Variants in SFMBT1 observed in about 807,000 individuals in gnomAD.
The protein encoded by SFMBT1 is Scm like with four mbt domains 1.
Under a neutral mutation model 108.7 loss-of-function variants are expected in SFMBT1, and 32 were observed. The ratio of observed to expected loss-of-function variants is 0.29; its 90% CI spans 0.22 to 0.40. SFMBT1 has a LOEUF of 0.40. Among genes scored for constraint, SFMBT1 ranks in the 10% least tolerant of loss-of-function variants. The probability of loss-of-function intolerance (pLI) is 1.00; values close to 1 mark genes in which losing one functional copy is unlikely to be tolerated. For synonymous variants in SFMBT1, 348 were observed against 369.5 expected (o/e 0.94, Z 0.67); for missense variants, 816 against 1,059.6 (o/e 0.77, Z 3.19).
chr3:52,959,295 A>G (rs752215206), intron 2 of SFMBT1, among the ~76,000 whole-genome samples: 5 of 152,196 alleles, frequency 3.3e-5, no homozygotes, highest in South Asian at 4.1e-4. Context: ...AACAAAAAAC[A>G]TATTTCAAAT....
intron 1 of SFMBT1, among the ~76,000 whole-genome samples, chr3:53,033,164 T>G (rs1018922633): frequency 6.6e-6 from 1 of 151,778 alleles, no homozygotes; most frequent in Non-Finnish European, 1.5e-5. Flanking sequence ...TAATAAAATT[T>G]GCTTTTTTTT....
chr3:53,042,776 T>G (rs1700099043), intron 1 of SFMBT1, among the ~76,000 whole-genome samples: 1 of 143,482 alleles, frequency 7.0e-6, no homozygotes, highest in Non-Finnish European at 1.5e-5. Flanking sequence ...GATTTTAAAT[T>G]AAACAATCTG....
chr3:53,010,644 G>T (rs1232085657), intron 1 of SFMBT1, among the ~76,000 whole-genome samples: 1 of 151,764 alleles, frequency 6.6e-6, no homozygotes, highest in Admixed American at 6.5e-5. Context: ...AATACAGTGT[G>T]TTTTTCTGTA....
chr3:52,917,660 G>T (rs535209775), intron 13 of SFMBT1, among the ~76,000 whole-genome samples: 1 of 152,246 alleles, frequency 6.6e-6, no homozygotes, highest in South Asian at 2.1e-4. Flanking sequence ...GCCTGAGCTC[G>T]GCCTCCTGTC....
intron 3 of SFMBT1, among the ~76,000 whole-genome samples, chr3:52,948,416 T>C (rs1441945753): frequency 1.3e-5 from 2 of 152,148 alleles, no homozygotes; most frequent in East Asian, 1.9e-4. Context: ...GATATATCCA[T>C]ATAAAAATCA....
At chr3:52,962,612 C>G (rs548376216) in intron 2 of SFMBT1, among the ~76,000 whole-genome samples, 1 of 151,796 alleles carries the variant, frequency 6.6e-6, no homozygotes, top group South Asian at 2.1e-4. Flanking sequence ...TTGAGAGGAG[C>G]CTGGCCAACA....
chr3:52,914,857 A>G (rs1702306269), intron 14 of SFMBT1, among the ~76,000 whole-genome samples: 1 of 152,182 alleles, frequency 6.6e-6, no homozygotes, highest in Non-Finnish European at 1.5e-5. Flanking sequence ...TAAGGCACTC[A>G]TACCCCTGCT....
intron 13 of SFMBT1, among the ~76,000 whole-genome samples, chr3:52,917,595 A>G (rs1237698142): frequency 6.6e-6 from 1 of 152,090 alleles, no homozygotes; most frequent in African/African-American, 2.4e-5. Context: ...ACGGACCAGT[A>G]CCCGTCTATG....
chr3:52,943,948 T>C (rs1430064391), intron 3 of SFMBT1, among the ~76,000 whole-genome samples: 1 of 152,222 alleles, frequency 6.6e-6, no homozygotes, highest in African/African-American at 2.4e-5. Context: ...AAATTTATGA[T>C]GCTAGAAAAG....
intron 1 of SFMBT1, among the ~76,000 whole-genome samples, chr3:53,028,838 G>A (rs1015596846): frequency 2.0e-4 from 31 of 152,294 alleles, no homozygotes; most frequent in Non-Finnish European, 4.0e-4. Flanking sequence ...CTGCCTGCCT[G>A]TCACTGGCTT....
chr3:53,044,504 C>A (rs1700149920), intron 1 of SFMBT1, among the ~76,000 whole-genome samples: 1 of 152,196 alleles, frequency 6.6e-6, no homozygotes, highest in South Asian at 2.1e-4. Context: ...CCTAATTCAA[C>A]AAATGCCTCA....
chr3:52,963,273 G>A (rs1272521667), intron 2 of SFMBT1, among the ~76,000 whole-genome samples: 1 of 151,992 alleles, frequency 6.6e-6, no homozygotes, highest in Admixed American at 6.6e-5. Context: ...GGGATTACAG[G>A]CATGACCCAC....
chr3:52,928,651 TATACACATATATACATATATACACACAC>T (rs1702758908), intron 8 of SFMBT1, among the ~76,000 whole-genome samples: 4 of 22,792 alleles, frequency 1.8e-4, no homozygotes, highest in Non-Finnish European at 5.5e-4. Flanking sequence ...TATATATATA[TATACACATATATACATATATACACACAC>T]ACACATATAT....
intron 4 of SFMBT1, 105 bp from the exon 5 acceptor site, chr3:52,935,006 T>C: frequency 1.1e-6 from 1 of 903,730 alleles, no homozygotes; most frequent in Non-Finnish European, 1.7e-6. Context: ...TTTTAAGATC[T>C]AAGAGTCCAA....
At chr3:52,939,479 CAGA>C (rs1193129802) in intron 4 of SFMBT1, among the ~76,000 whole-genome samples, 2 of 152,122 alleles carry the variant, frequency 1.3e-5, no homozygotes, top group Non-Finnish European at 2.9e-5. Context: ...GAGGCTGAGG[CAGA>C]AGAACTGCTT....
chr3:52,907,922 A>T (rs1702113551), intron 17 of SFMBT1, among the ~76,000 whole-genome samples, 189 bp from the exon 18 acceptor site: 1 of 152,158 alleles, frequency 6.6e-6, no homozygotes. Context: ...CTCCATATCA[A>T]AGTATATAGA....
At chr3:52,925,018 C>T (rs567674089) in intron 10 of SFMBT1, among the ~76,000 whole-genome samples, 11 of 151,738 alleles carry the variant, frequency 7.2e-5, no homozygotes, top group South Asian at 2.1e-4. Flanking sequence ...GTCAGGAGTT[C>T]GAGACCAGCC....
At chr3:52,987,695 C>T (rs912503849) in intron 1 of SFMBT1, among the ~76,000 whole-genome samples, 2 of 152,156 alleles carry the variant, frequency 1.3e-5, no homozygotes, top group African/African-American at 4.8e-5. Flanking sequence ...ATGATCTGCG[C>T]TCAAGTTGTT....
intron 3 of SFMBT1, among the ~76,000 whole-genome samples, chr3:52,953,310 G>A (rs561264274): frequency 6.6e-6 from 1 of 152,180 alleles, no homozygotes; most frequent in African/African-American, 2.4e-5. Flanking sequence ...AAAATTAGCT[G>A]GGTGTGGTGG....
Sources: allele counts gnomAD v4.1 joint callset (sites outside exome capture counted in the v4.1 genomes callset), GRCh38; gene constraint gnomAD v4.1.1; transcripts MANE v1.5; gene names NCBI Gene and HGNC (gene_info 2026-07-23, HGNC 2026-07-21).